Variants in SRBD1 observed in about 807,000 individuals in gnomAD.
The protein encoded by SRBD1 is S1 RNA-binding domain-containing protein 1.
In SRBD1, 88 loss-of-function variants were observed where a neutral mutation model predicts 115.3. That is an observed-to-expected ratio of 0.76 (90% confidence interval 0.64 to 0.91). The LOEUF is 0.91. Ranked by LOEUF, SRBD1 falls within the 40% of genes least tolerant of loss-of-function variation. The pLI, the probability that SRBD1 is intolerant of heterozygous loss-of-function variation, is 0.00. For synonymous variants in SRBD1, 509 were observed against 407.7 expected (o/e 1.25, Z -2.99); for missense variants, 1,385 against 1,177.4 (o/e 1.18, Z -2.58).
At chr2:45,426,545 C>T (rs1397040103) in intron 16 of SRBD1, among the ~76,000 whole-genome samples, 7 of 152,172 alleles carry the variant, frequency 4.6e-5, no homozygotes, top group African/African-American at 1.7e-4. Context: ...ACCCCCATGC[C>T]TCCTGACTGG....
At chr2:45,461,343 G>A (rs900270478) in intron 16 of SRBD1, among the ~76,000 whole-genome samples, 23 of 152,112 alleles carry the variant, frequency 1.5e-4, no homozygotes, top group Non-Finnish European at 2.8e-4. Context: ...TTGGTACTTG[G>A]CACATCTGGA....
intron 10 of SRBD1, among the ~76,000 whole-genome samples, chr2:45,554,511 G>A (rs758707461): frequency 7.2e-5 from 11 of 152,102 alleles, no homozygotes; most frequent in African/African-American, 2.4e-5. Context: ...CCATTTCTGA[G>A]AACTTACTCT....
chr2:45,404,342 G>A (rs1667370445), intron 19 of SRBD1, among the ~76,000 whole-genome samples: 1 of 152,120 alleles, frequency 6.6e-6, no homozygotes, highest in Non-Finnish European at 1.5e-5. Flanking sequence ...TGGAAGTAAT[G>A]TGCTTATGAC....
chr2:45,476,696 A>C (rs1249232210), intron 16 of SRBD1, among the ~76,000 whole-genome samples: 1 of 152,228 alleles, frequency 6.6e-6, no homozygotes, highest in East Asian at 1.9e-4. Flanking sequence ...TTTTTATAAT[A>C]ATGTTAAAAG....
chr2:45,433,750 G>C (rs1028228376), intron 16 of SRBD1, among the ~76,000 whole-genome samples: 1 of 152,226 alleles, frequency 6.6e-6, no homozygotes, highest in Non-Finnish European at 1.5e-5. Context: ...AAAAACCTAT[G>C]TGTTCTAGCT....
chr2:45,591,332 C>G (rs139316267), intron 4 of SRBD1, among the ~76,000 whole-genome samples: 2 of 152,284 alleles, frequency 1.3e-5, no homozygotes, highest in African/African-American at 4.8e-5. Context: ...TCATCTCTGA[C>G]CTAACCAATC....
rs945363222 is a variant in SRBD1, at chr2:45,493,453, C to G, written c.1875-5122G>C. 2.6e-5 allele frequency among the ~76,000 whole-genome samples: 4 copies of G among 152,112 alleles called. No homozygotes were observed. In the East Asian group the frequency reaches 7.7e-4, roughly 29 times the overall value. Reference sequence around the variant, plus strand: ...GAAAATATCAAAGCAATTTTAAATTCTTTTATGTAATGATGAATTATCATT... The same window carrying G: ...GAAAATATCAAAGCAATTTTAAATTGTTTTATGTAATGATGAATTATCATT... On this transcript the variant is annotated intron_variant, in intron 14 of 20. Transcript: ENST00000263736.
intron 16 of SRBD1, among the ~76,000 whole-genome samples, chr2:45,463,786 G>C (rs1024143108): frequency 6.6e-6 from 1 of 152,000 alleles, no homozygotes; most frequent in Non-Finnish European, 1.5e-5. Context: ...ACTATTTTTA[G>C]TCTACAAACT....
At chr2:45,594,978 C>A (rs1348730320) in intron 4 of SRBD1, among the ~76,000 whole-genome samples, 1 of 152,184 alleles carries the variant, frequency 6.6e-6, no homozygotes, top group Non-Finnish European at 1.5e-5. Context: ...CTCCACTTTA[C>A]AAGGAAAGCA....
chr2:45,603,816 C>T (rs547228753), intron 2 of SRBD1, among the ~76,000 whole-genome samples: 1 of 152,300 alleles, frequency 6.6e-6, no homozygotes, highest in South Asian at 2.1e-4. Context: ...AGGTGTGAGC[C>T]ACCACACCCA....
chr2:45,549,039 G>C (rs1036398302), intron 12 of SRBD1: 16 of 152,208 alleles, frequency 1.1e-4, no homozygotes, highest in African/African-American at 2.9e-4. Context: ...CTGAAACTGA[G>C]AGAGATTCAG....
At chr2:45,407,828 A>G (rs1667481198) in intron 19 of SRBD1, among the ~76,000 whole-genome samples, 1 of 152,082 alleles carries the variant, frequency 6.6e-6, no homozygotes, top group African/African-American at 2.4e-5. Context: ...TCCATATAAC[A>G]AAGGGCTTTA....
chr2:45,538,836 A>G (rs1369508597), intron 14 of SRBD1, among the ~76,000 whole-genome samples: 1 of 152,228 alleles, frequency 6.6e-6, no homozygotes, highest in Non-Finnish European at 1.5e-5. Context: ...TCTCTGAGTA[A>G]TGACAGTACC....
intron 14 of SRBD1, among the ~76,000 whole-genome samples, chr2:45,490,746 T>C (rs1670267649): frequency 6.6e-6 from 1 of 152,104 alleles, no homozygotes. Context: ...AGGGAAACTA[T>C]TGCAAAGAAA....
chr2:45,542,686 C>G (rs1671984678), intron 14 of SRBD1, among the ~76,000 whole-genome samples: 1 of 152,226 alleles, frequency 6.6e-6, no homozygotes, highest in Non-Finnish European at 1.5e-5. Context: ...ACAACACAGA[C>G]TTTCCACACC....
intron 15 of SRBD1, among the ~76,000 whole-genome samples, chr2:45,478,124 T>C (rs900685284): frequency 1.3e-5 from 2 of 152,188 alleles, no homozygotes; most frequent in African/African-American, 2.4e-5. Flanking sequence ...TTTATATATA[T>C]ATGAACTGCT....
intron 16 of SRBD1, among the ~76,000 whole-genome samples, chr2:45,454,334 A>ATT (rs1669088398): frequency 6.6e-6 from 1 of 151,856 alleles, no homozygotes; most frequent in Non-Finnish European, 1.5e-5. Context: ...GTAAATTGCC[A>ATT]TTTTATCTTT....
chr2:45,554,196 G>A (rs775146059), intron 10 of SRBD1, among the ~76,000 whole-genome samples: 1 of 152,120 alleles, frequency 6.6e-6, no homozygotes, highest in Non-Finnish European at 1.5e-5. Flanking sequence ...ATAACAGAGG[G>A]CTTGCTCTTT....
Position 45,546,113 on chromosome 2 carries a change from A to G in SRBD1, c.1874+619T>C, listed in dbSNP as rs900917652. On this transcript the variant is annotated intron_variant, in intron 14 of 20. Coordinates refer to ENST00000263736, the MANE Select transcript of SRBD1 (RefSeq NM_018079.5). Reference sequence around the variant, plus strand: ...TAGTTTGGAAAAGGAAGACATGACTATTGAGATCCAAAGAGGAAGTAGGGA... The same window carrying G: ...TAGTTTGGAAAAGGAAGACATGACTGTTGAGATCCAAAGAGGAAGTAGGGA... 10 of 955,864 alleles carry G rather than the reference A, an allele frequency of 1.0e-5. No homozygotes were observed. The East Asian group carries it at 6.9e-4, about 66-fold the overall frequency. The allele number at this position is 955,864 out of a possible 1,614,324, so 59.2% of individuals were successfully genotyped here. A position where few individuals can be genotyped will look rare whatever the true frequency, so the allele number is the denominator to read the frequency against.
Sources: gnomAD v4.1 joint callset for allele counts (sites outside exome capture counted in the v4.1 genomes callset) on GRCh38, gnomAD v4.1.1 for gene constraint, MANE v1.5 for transcripts, NCBI Gene and HGNC (gene_info 2026-07-23, HGNC 2026-07-21) for gene names.